Variants in ITFG1 observed in about 807,000 individuals in gnomAD.
ITFG1 encodes the protein integrin alpha FG-GAP repeat containing 1.
ITFG1 carries 34 observed loss-of-function variants against 81.8 expected under a neutral mutation model. The observed-to-expected ratio is 0.42, with a 90% CI of 0.32 to 0.55. The LOEUF is 0.55. Ranked by LOEUF, ITFG1 falls within the 20% of genes least tolerant of loss-of-function variation. ITFG1 has a pLI of 0.17. For synonymous variants in ITFG1, 285 were observed against 270.6 expected (o/e 1.05, Z -0.52); for missense variants, 672 against 755.4 (o/e 0.89, Z 1.29).
chr16:47,273,612 CAT>C (rs1351130670), intron 10 of ITFG1, among the ~76,000 whole-genome samples: 3 of 152,176 alleles, frequency 2.0e-5, no homozygotes, highest in East Asian at 1.9e-4. Context: ...GGAGACAGCA[CAT>C]GTTACCTGAA....
rs1219029402 is a variant in ITFG1, at chr16:47,328,212, A to AT, written c.803-14390dup. On this transcript the variant is annotated intron_variant, in intron 8 of 17. Coordinates refer to ENST00000320640, the MANE Select transcript of ITFG1 (RefSeq NM_030790.5). ...TGCAAACCATTATTCTCAGGAAACT[A>AT]TCGCAAGGTCAAAAAACCAAAGACC... Among the ~76,000 whole-genome samples the AT allele has an allele frequency of 3.3e-5, 5 of 152,144 alleles. 1 individual carries two copies. The highest frequency in any genetic ancestry group is 1.2e-4 in the African/African-American group (5 of 41,428).
Position 47,155,127 on chromosome 16 carries a change from G to A in ITFG1, c.*592C>T, listed in dbSNP as rs1322298509. The A allele has an allele frequency of 6.6e-6, 1 of 152,196 alleles. No individual in the cohort carries two copies. Among genetic ancestry groups the A allele is most frequent in the Non-Finnish European group, 1.5e-5 (1 of 68,062 alleles). 9.4% of individuals were successfully genotyped at this position (152,196 alleles called of 1,614,324 possible). On this transcript the variant is annotated 3_prime_UTR_variant, in exon 18 of 18. Transcript: ENST00000320640. ...CCACTGAATAAACAAGAAAACTGAG[G>A]TTTACAGAGGTTAAACAAGAGCCAA... is the stretch of plus-strand genomic sequence containing the variant.
In ITFG1 at chr16:47,354,197, A is replaced by C. The variant is rs372972929; in HGVS notation, c.802+11591T>G. Among the ~76,000 whole-genome samples the C allele has an allele frequency of 2.6e-5, 4 of 152,204 alleles. No individual in the cohort carries two copies. In the South Asian group the frequency reaches 6.2e-4, roughly 24 times the overall value. ...TCAATACAGCATGATACTGTCATAA[A>C]AACAGAAACATAGACCAATAGAACA... On this transcript the variant is annotated intron_variant, in intron 8 of 17. Coordinates refer to ENST00000320640, the MANE Select transcript of ITFG1 (RefSeq NM_030790.5).
In ITFG1 at chr16:47,459,193, A is replaced by G. The variant is rs1351289621; in HGVS notation, c.209-18T>C. ...GTCATTTCCTAAAGAAAACAAATATATGATATTAGAAAAATGTTTGTTGAT... is the reference window on the plus strand; with the variant it reads ...GTCATTTCCTAAAGAAAACAAATATGTGATATTAGAAAAATGTTTGTTGAT... On this transcript the variant is annotated intron_variant, in intron 1 of 17. Coordinates refer to ENST00000320640, the MANE Select transcript of ITFG1 (RefSeq NM_030790.5). 1.4e-6 allele frequency: 2 copies of G among 1,478,016 alleles called. No individual in the cohort carries two copies. The highest frequency in any genetic ancestry group is 1.1e-5 in the South Asian group (1 of 88,208). 91.6% of individuals were successfully genotyped at this position (1,478,016 alleles called of 1,614,324 possible). A position where few individuals can be genotyped will look rare whatever the true frequency, so the allele number is the denominator to read the frequency against.
chr16:47,348,515 G>C (rs187246977), intron 8 of ITFG1, among the ~76,000 whole-genome samples: 12 of 152,180 alleles, frequency 7.9e-5, no homozygotes, highest in East Asian at 7.7e-4. Flanking sequence ...AGAGAAAAAA[G>C]AATAAAAAGA....
intron 14 of ITFG1, among the ~76,000 whole-genome samples, chr16:47,173,203 C>T (rs575282634): frequency 6.6e-6 from 1 of 152,158 alleles, no homozygotes; most frequent in Non-Finnish European, 1.5e-5. Context: ...ATCCCAATCC[C>T]TTTTACTCTG....
At chr16:47,415,133 T>C (rs1008976476) in intron 6 of ITFG1, among the ~76,000 whole-genome samples, 13 of 152,224 alleles carry the variant, frequency 8.5e-5, no homozygotes, top group African/African-American at 1.4e-4. Flanking sequence ...TTCTCAGCCG[T>C]CCTCATGATA....
At chr16:47,427,045 A>G (rs1596976718) in intron 6 of ITFG1, among the ~76,000 whole-genome samples, 1 of 152,290 alleles carries the variant, frequency 6.6e-6, no homozygotes, top group Middle Eastern at 3.4e-3. Flanking sequence ...CTGTACTGCA[A>G]GTGACTAAAG....
chr16:47,182,409 G>C (rs1965138515), intron 14 of ITFG1, among the ~76,000 whole-genome samples: 1 of 151,614 alleles, frequency 6.6e-6, no homozygotes, highest in Non-Finnish European at 1.5e-5. Flanking sequence ...AGAAAATATG[G>C]TATTATGGGA....
chr16:47,303,857 TG>T (rs1051081058), intron 10 of ITFG1, among the ~76,000 whole-genome samples: 1 of 152,148 alleles, frequency 6.6e-6, no homozygotes. Context: ...GTTGAACTTC[TG>T]GGCTCAAGTG....
chr16:47,413,869 A>G (rs1410247278), intron 6 of ITFG1, among the ~76,000 whole-genome samples: 3 of 152,052 alleles, frequency 2.0e-5, no homozygotes, highest in East Asian at 3.9e-4. Flanking sequence ...CCCCCAGGCT[A>G]GAGTGTGATG....
intron 8 of ITFG1, among the ~76,000 whole-genome samples, chr16:47,363,225 T>C (rs1000390390): frequency 2.6e-5 from 4 of 152,190 alleles, no homozygotes; most frequent in African/African-American, 9.6e-5. Context: ...ACAAGGATGT[T>C]ACCTTTAAAA....
intron 12 of ITFG1, among the ~76,000 whole-genome samples, chr16:47,242,891 T>A (rs1053005429): frequency 7.2e-5 from 11 of 152,190 alleles, no homozygotes; most frequent in Non-Finnish European, 1.3e-4. Flanking sequence ...ACATTTTGGA[T>A]GTTGGTAGCA....
At chr16:47,251,414 T>C (rs1370045592) in intron 12 of ITFG1, among the ~76,000 whole-genome samples, 3 of 152,138 alleles carry the variant, frequency 2.0e-5, no homozygotes, top group African/African-American at 7.3e-5. Flanking sequence ...AATTGTCTGA[T>C]GGGCAGAAGT....
intron 14 of ITFG1, among the ~76,000 whole-genome samples, chr16:47,217,450 A>G (rs1401336682): frequency 6.6e-6 from 1 of 152,222 alleles, no homozygotes; most frequent in Non-Finnish European, 1.5e-5. Flanking sequence ...CATCTTACCT[A>G]GCACTGAAAT....
intron 17 of ITFG1, chr16:47,157,584 A>C (rs972813823): frequency 6.6e-6 from 1 of 152,196 alleles, no homozygotes; most frequent in Non-Finnish European, 1.5e-5. Context: ...TTCAGATGAT[A>C]TTCTGATACT....
intron 3 of ITFG1, 49 bp from the exon 4 acceptor site, chr16:47,452,839 C>A: frequency 2.1e-6 from 2 of 945,518 alleles, no homozygotes; most frequent in South Asian, 1.7e-5. Context: ...TTTTATATTA[C>A]TTTTGATATC....
intron 10 of ITFG1, among the ~76,000 whole-genome samples, chr16:47,307,119 A>AAAAAAAAAAAAAAAAAC: frequency 6.7e-6 from 1 of 148,598 alleles, no homozygotes; most frequent in African/African-American, 2.5e-5. Flanking sequence ...AAAAAAAAAA[A>AAAAAAAAAAAAAAAAAC]AAAACGGAGA....
At chr16:47,435,545 T>C (rs1269552443) in intron 5 of ITFG1, among the ~76,000 whole-genome samples, 1 of 152,238 alleles carries the variant, frequency 6.6e-6, no homozygotes, top group Non-Finnish European at 1.5e-5. Flanking sequence ...AAGAATGAAT[T>C]TAAATGTAAT....
Sources: gnomAD v4.1 joint callset for allele counts (sites outside exome capture counted in the v4.1 genomes callset) on GRCh38, gnomAD v4.1.1 for gene constraint, MANE v1.5 for transcripts, NCBI Gene and HGNC (gene_info 2026-07-23, HGNC 2026-07-21) for gene names.